The following ADGRV1 variants were observed in gnomAD, a reference collection of about 807,000 sequenced individuals.
ADGRV1 encodes the protein adhesion G protein-coupled receptor V1, also known as G-protein coupled receptor 98.
Under a neutral mutation model 596.2 loss-of-function variants are expected in ADGRV1, and 359 were observed. That is an observed-to-expected ratio of 0.60 (90% CI 0.55 to 0.66). The LOEUF is 0.66. Ranked by LOEUF, ADGRV1 falls within the 30% of genes least tolerant of loss-of-function variation. ADGRV1 has a pLI of 0.00. For synonymous variants in ADGRV1, 2,681 were observed against 2,679.2 expected, an observed-to-expected ratio of 1.00 and a Z score of -0.02; for missense variants, 7,274 against 7,575.6, an observed-to-expected ratio of 0.96 and a Z score of 1.48.
intron 83 of ADGRV1, among the ~76,000 whole-genome samples, chr5:90,910,165 A>G (rs562736282): frequency 6.6e-6 from 1 of 152,372 alleles, no homozygotes; most frequent in African/African-American, 2.4e-5. Flanking sequence ...TGCCTTTAAA[A>G]GATTCCTGCC....
intron 88 of ADGRV1, among the ~76,000 whole-genome samples, chr5:91,152,516 G>T (rs190301232): frequency 6.6e-6 from 1 of 151,974 alleles, no homozygotes; most frequent in Non-Finnish European, 1.5e-5. Flanking sequence ...ATTAGTTTTC[G>T]TTCCCCACAC....
chr5:90,896,174 G>A (rs1282841103), intron 83 of ADGRV1, among the ~76,000 whole-genome samples: 1 of 150,538 alleles, frequency 6.6e-6, no homozygotes, highest in Non-Finnish European at 1.5e-5. Context: ...TCAGTTTAAG[G>A]AAATTTATCT....
Position 90,711,379 on chromosome 5 carries a change from C to T in ADGRV1, c.9042+57C>T, listed in dbSNP as rs7732169. On this transcript the variant is annotated intron_variant, in intron 41 of 89. Transcript: ENST00000405460. ...TACAAATTATTTTATAATCATTATT[C>T]CTTGAGAATTACAGTGATTTAGGTC... is the stretch of plus-strand genomic sequence containing the variant. The T allele has an allele frequency of 0.63, 858,910 of 1,356,560 alleles. 274,764 individuals carry two copies. Among genetic ancestry groups the T allele is most frequent in the East Asian group, 0.81 (33,751 of 41,634 alleles). The allele number at this position is 1,356,560 out of a possible 1,614,324, so 84.0% of individuals were successfully genotyped here.
At chr5:90,586,314 A>G (rs1758753517) in intron 1 of ADGRV1, among the ~76,000 whole-genome samples, 1 of 152,224 alleles carries the variant, frequency 6.6e-6, no homozygotes, top group African/African-American at 2.4e-5. Context: ...CAAAACTAAC[A>G]ATAATTCCAT....
intron 83 of ADGRV1, among the ~76,000 whole-genome samples, chr5:90,938,620 T>G (rs575383324): frequency 6.6e-6 from 1 of 152,346 alleles, no homozygotes; most frequent in East Asian, 1.9e-4. Flanking sequence ...CATATTTTAT[T>G]GAGCACCTAT....
rs539654439 is a variant in ADGRV1, at chr5:90,674,117, T to C, written c.4993T>C (p.Leu1665=). The stretch of plus-strand genomic sequence containing the variant: ...ACTTAATGAGTATTTCCGTGTGACA[T>C]TGGTTTCTGCAATTCCTGGAGATGG... ...PELNEYFRVT[L]VSAIPGDGKL... Residue 1665 remains leucine (L), a synonymous_variant, in exon 23 of 90, where the codon TTG becomes CTG. Coordinates refer to ENST00000405460, the MANE Select transcript of ADGRV1 (RefSeq NM_032119.4). 65 of 1,613,448 alleles carry C rather than the reference T, an allele frequency of 4.0e-5. No homozygotes were observed. The East Asian group carries it at 1.4e-3, about 34-fold the overall frequency.
intron 89 of ADGRV1, among the ~76,000 whole-genome samples, chr5:91,160,084 C>G (rs538962549): frequency 1.9e-4 from 29 of 152,298 alleles, no homozygotes; most frequent in Admixed American, 1.4e-3. Context: ...CCAATGACAT[C>G]AATGTCATGG....
chr5:91,054,095 G>A (rs1562149607), intron 85 of ADGRV1, among the ~76,000 whole-genome samples: 1 of 130,058 alleles, frequency 7.7e-6, no homozygotes. Flanking sequence ...GTGTGTGTGT[G>A]TGTGTGTGAG....
At chr5:90,714,820 G>A (rs1307612872) in intron 42 of ADGRV1, among the ~76,000 whole-genome samples, 1 of 151,698 alleles carries the variant, frequency 6.6e-6, no homozygotes, top group Non-Finnish European at 1.5e-5. Flanking sequence ...GCCTATTTAT[G>A]TGCTAATAGC....
At chr5:91,126,263 T>C (rs1322773967) in intron 87 of ADGRV1, among the ~76,000 whole-genome samples, 1 of 152,232 alleles carries the variant, frequency 6.6e-6, no homozygotes, top group Non-Finnish European at 1.5e-5. Flanking sequence ...ATTCTCTCAA[T>C]GTAGGGAAAT....
At chr5:90,710,620 C>T (rs1749214863) in intron 39 of ADGRV1, among the ~76,000 whole-genome samples, 1 of 151,950 alleles carries the variant, frequency 6.6e-6, no homozygotes, top group Admixed American at 6.6e-5. Flanking sequence ...CTTTCTACTC[C>T]TTCCAACTGT....
intron 85 of ADGRV1, among the ~76,000 whole-genome samples, chr5:90,993,714 A>G (rs1359775535): frequency 1.3e-5 from 2 of 151,950 alleles, no homozygotes; most frequent in East Asian, 3.9e-4. Flanking sequence ...CAGTTTATAT[A>G]TCTAGGTGTG....
chr5:90,612,859 C>T (rs901454855), intron 1 of ADGRV1, among the ~76,000 whole-genome samples: 3 of 152,050 alleles, frequency 2.0e-5, no homozygotes, highest in African/African-American at 7.2e-5. Flanking sequence ...ACACTTCTAA[C>T]ACGATTCCTC....
chr5:91,088,511 G>A (rs1159450838), intron 86 of ADGRV1, among the ~76,000 whole-genome samples: 2 of 152,116 alleles, frequency 1.3e-5, no homozygotes, highest in Non-Finnish European at 2.9e-5. Flanking sequence ...AGTGGAAATA[G>A]CTCCATTTGG....
chr5:90,738,165 A>G (rs528783162), intron 50 of ADGRV1, among the ~76,000 whole-genome samples: 1 of 152,208 alleles, frequency 6.6e-6, no homozygotes, highest in African/African-American at 2.4e-5. Context: ...GCTATTTTAA[A>G]TTGATAAAAA....
At chr5:91,043,126 A>G (rs918103104) in intron 85 of ADGRV1, among the ~76,000 whole-genome samples, 88 of 152,298 alleles carry the variant, frequency 5.8e-4, no homozygotes, top group African/African-American at 2.0e-3. Flanking sequence ...AGAGGCACCA[A>G]CGTTTCCTCT....
chr5:90,947,305 C>A (rs890748990), intron 83 of ADGRV1, among the ~76,000 whole-genome samples: 1 of 146,732 alleles, frequency 6.8e-6, no homozygotes, highest in Non-Finnish European at 1.5e-5. Flanking sequence ...AGTGTCTGTT[C>A]GTGTCCTTTG....
chr5:90,846,011 G>A (rs1765846004), intron 78 of ADGRV1, among the ~76,000 whole-genome samples: 1 of 152,188 alleles, frequency 6.6e-6, no homozygotes, highest in East Asian at 1.9e-4. Context: ...TGTGGGAGAT[G>A]ACTATTCTTA....
At chr5:90,617,543 C>T (rs557980318) in intron 2 of ADGRV1, 13 of 265,392 alleles carry the variant, frequency 4.9e-5, no homozygotes, top group South Asian at 2.5e-4. Context: ...CTCCTGACCT[C>T]GTGATCCGCC....
Sources: allele counts gnomAD v4.1 joint callset (sites outside exome capture counted in the v4.1 genomes callset), GRCh38; gene constraint gnomAD v4.1.1; transcripts MANE v1.5; gene names NCBI Gene and HGNC (gene_info 2026-07-23, HGNC 2026-07-21).